Variants in PCSK2 observed in about 807,000 individuals in gnomAD.
PCSK2 encodes the protein neuroendocrine convertase 2.
A neutral mutation model predicts 69.7 loss-of-function variants in PCSK2; 14 were observed. The observed-to-expected ratio is 0.20, with a 90% CI of 0.13 to 0.31. PCSK2 has a LOEUF of 0.31. PCSK2 is among the 10% of genes least tolerant of loss of function. The pLI is 1.00. For synonymous variants in PCSK2, 307 were observed against 320.7 expected (o/e 0.96, Z 0.46); for missense variants, 544 against 842.5 (o/e 0.65, Z 4.39).
At chr20:17,366,874 C>T (rs974633011) in intron 4 of PCSK2, among the ~76,000 whole-genome samples, 1 of 152,042 alleles carries the variant, frequency 6.6e-6, no homozygotes, top group Non-Finnish European at 1.5e-5. Context: ...CTTCTTGCTC[C>T]AGTATTTTCC....
chr20:17,243,945 G>C (rs1986679181), intron 1 of PCSK2, among the ~76,000 whole-genome samples: 1 of 152,098 alleles, frequency 6.6e-6, no homozygotes, highest in Admixed American at 6.6e-5. Flanking sequence ...ATTGAACTTT[G>C]GGCCAGATTT....
intron 4 of PCSK2, among the ~76,000 whole-genome samples, chr20:17,366,616 T>C (rs193172422): frequency 3.7e-4 from 56 of 152,362 alleles, no homozygotes; most frequent in Middle Eastern, 3.4e-3. Flanking sequence ...TAATCAAATA[T>C]ACAAAAATAT....
At chr20:17,341,421 G>A (rs543907390) in intron 2 of PCSK2, among the ~76,000 whole-genome samples, 1 of 152,098 alleles carries the variant, frequency 6.6e-6, no homozygotes, top group South Asian at 2.1e-4. Context: ...GAAGCGGGCC[G>A]CCCCCAGTAT....
intron 2 of PCSK2, among the ~76,000 whole-genome samples, chr20:17,335,451 G>GTGTGTGTC (rs1213267744): frequency 6.6e-6 from 1 of 151,946 alleles, no homozygotes; most frequent in Non-Finnish European, 1.5e-5. Flanking sequence ...GTGTGTGTGT[G>GTGTGTGTC]TGTGTGTGTG....
At chr20:17,370,248 G>C (rs1320254859) in intron 5 of PCSK2, among the ~76,000 whole-genome samples, 1 of 152,116 alleles carries the variant, frequency 6.6e-6, no homozygotes, top group Non-Finnish European at 1.5e-5. Context: ...AGAGAACAAG[G>C]GCTTGCATAA....
In PCSK2 at chr20:17,281,683, G is replaced by T. The variant is rs549956069; in HGVS notation, c.282+21339G>T. Among the ~76,000 whole-genome samples the T allele has an allele frequency of 1.2e-4, 18 of 152,282 alleles. No homozygotes were observed. In the East Asian group the frequency reaches 2.5e-3, roughly 21 times the overall value. The stretch of plus-strand genomic sequence containing the variant: ...ACCTTTATGTTTGCTGCCCCCTGTT[G>T]GTTGCTGTGAATCCCAGTGAATGCT... On this transcript the variant is annotated intron_variant, in intron 2 of 11. Coordinates refer to ENST00000262545, the MANE Select transcript of PCSK2 (RefSeq NM_002594.5).
chr20:17,438,963 A>G (rs1479131245), intron 8 of PCSK2, among the ~76,000 whole-genome samples: 1 of 152,056 alleles, frequency 6.6e-6, no homozygotes, highest in East Asian at 1.9e-4. Context: ...CCCTCCCTCA[A>G]TGAGTCTGGG....
chr20:17,332,785 G>A (rs1403075344), intron 2 of PCSK2, among the ~76,000 whole-genome samples: 3 of 152,142 alleles, frequency 2.0e-5, no homozygotes, highest in African/African-American at 4.8e-5. Context: ...CTGCTAGAAG[G>A]TTGATGGTTT....
intron 2 of PCSK2, among the ~76,000 whole-genome samples, chr20:17,353,488 A>T (rs1247514892): frequency 6.6e-6 from 1 of 151,964 alleles, no homozygotes; most frequent in African/African-American, 2.4e-5. Context: ...AAAGTCAAAA[A>T]ATAGTAAATG....
intron 5 of PCSK2, among the ~76,000 whole-genome samples, chr20:17,382,601 C>T (rs1225798916): frequency 6.6e-6 from 1 of 152,152 alleles, no homozygotes; most frequent in Non-Finnish European, 1.5e-5. Flanking sequence ...AGGCAATACA[C>T]CTGCCTCTCT....
chr20:17,252,539 T>C (rs2122979400), intron 1 of PCSK2, among the ~76,000 whole-genome samples: 1 of 152,292 alleles, frequency 6.6e-6, no homozygotes, highest in South Asian at 2.1e-4. Flanking sequence ...ATTTTATAAG[T>C]AAAAAATCTG....
intron 2 of PCSK2, among the ~76,000 whole-genome samples, chr20:17,274,933 C>T (rs1988006452): frequency 6.6e-6 from 1 of 151,950 alleles, no homozygotes; most frequent in Admixed American, 6.6e-5. Context: ...AGCATAGTCA[C>T]ATTGTGTTTT....
intron 2 of PCSK2, among the ~76,000 whole-genome samples, chr20:17,312,677 T>G (rs903596068): frequency 2.6e-5 from 4 of 152,190 alleles, no homozygotes; most frequent in African/African-American, 9.6e-5. Context: ...ATTTTTTTTG[T>G]TATTCTGATA....
rs77865096 is a variant in PCSK2, at chr20:17,296,108, G to A, written c.282+35764G>A. On this transcript the variant is annotated intron_variant, in intron 2 of 11. Transcript: ENST00000262545. ...GTGTCTGTCCGATTTTACTGCTCCA[G>A]CCTCTGATGGCCAATGAGCAGAAAT... Among the ~76,000 whole-genome samples the A allele has an allele frequency of 5.0e-3, 765 of 152,278 alleles. 6 individuals are homozygous for A. The highest frequency in any genetic ancestry group is 0.023 in the East Asian group (119 of 5,172).
intron 2 of PCSK2, among the ~76,000 whole-genome samples, chr20:17,308,716 G>A (rs1989407402): frequency 1.3e-5 from 2 of 152,224 alleles, no homozygotes; most frequent in Admixed American, 1.3e-4. Flanking sequence ...ATGGACAGCT[G>A]TGGGTCATGG....
chr20:17,351,761 T>C (rs1467708804), intron 2 of PCSK2, among the ~76,000 whole-genome samples: 1 of 152,076 alleles, frequency 6.6e-6, no homozygotes, highest in Non-Finnish European at 1.5e-5. Context: ...TGGGCAAAAC[T>C]GGAAGGATTC....
intron 2 of PCSK2, among the ~76,000 whole-genome samples, chr20:17,355,164 C>A (rs1025736731): frequency 9.2e-5 from 14 of 152,252 alleles, no homozygotes; most frequent in African/African-American, 3.4e-4. Context: ...TTTGAGCAGT[C>A]TTTTCATTAG....
intron 2 of PCSK2, among the ~76,000 whole-genome samples, chr20:17,264,955 C>G (rs1987536009): frequency 1.3e-5 from 2 of 152,090 alleles, no homozygotes; most frequent in African/African-American, 4.8e-5. Flanking sequence ...GCTCTGCCTC[C>G]CGGGTTCAAG....
intron 2 of PCSK2, among the ~76,000 whole-genome samples, chr20:17,306,775 C>T (rs554494776): frequency 6.6e-6 from 1 of 152,326 alleles, no homozygotes; most frequent in African/African-American, 2.4e-5. Flanking sequence ...ACATGATGAA[C>T]TGCACACAAA....
Sources: gnomAD v4.1 joint callset for allele counts (sites outside exome capture counted in the v4.1 genomes callset) on GRCh38, gnomAD v4.1.1 for gene constraint, MANE v1.5 for transcripts, NCBI Gene and HGNC (gene_info 2026-07-23, HGNC 2026-07-21) for gene names.